LTBR: variants seen among roughly 807,000 people sequenced by gnomAD.
LTBR encodes the protein tumor necrosis factor receptor superfamily member 3.
A neutral mutation model predicts 45.4 loss-of-function variants in LTBR; 15 were observed. That is an observed-to-expected ratio of 0.33 (90% CI 0.22 to 0.51). LTBR has a LOEUF of 0.51. LTBR is among the 20% of genes least tolerant of loss of function. The probability of loss-of-function intolerance (pLI) is 0.97; values close to 1 mark genes in which losing one functional copy is unlikely to be tolerated. For synonymous variants in LTBR, 228 were observed against 231.0 expected, an observed-to-expected ratio of 0.99 and a Z score of 0.12; for missense variants, 450 against 565.5, an observed-to-expected ratio of 0.80 and a Z score of 2.07.
upstream of LTBR, among the ~76,000 whole-genome samples, chr12:6,383,401 G>T (rs1365442934): frequency 6.6e-6 from 1 of 152,252 alleles, no homozygotes; most frequent in East Asian, 1.9e-4. Flanking sequence ...TTAAGGTGAG[G>T]GGGCTGGACT....
At chr12:6,375,869 G>T (rs2071244) in intron 1 of LTBR, 4 of 1,293,594 alleles carry the variant, frequency 3.1e-6, no homozygotes, top group Admixed American at 3.8e-5. Context: ...GTGGGGAACC[G>T]GGAGGACAGG....
At chr12:6,385,798 G>C (rs1217403672) in intron 4 of LTBR, 3 of 374,116 alleles carry the variant, frequency 8.0e-6, no homozygotes, top group Non-Finnish European at 9.7e-6. Context: ...CCAGCTACTC[G>C]GGAGGCTGAG....
intron 6 of LTBR, chr12:6,387,958 G>A: frequency 2.5e-6 from 1 of 395,020 alleles, no homozygotes; most frequent in Non-Finnish European, 5.1e-6. Context: ...CAGCCCCTCT[G>A]TACAATGGCT....
intron 1 of LTBR, among the ~76,000 whole-genome samples, chr12:6,378,848 G>GC (rs1948946604): frequency 6.7e-6 from 1 of 150,074 alleles, no homozygotes; most frequent in South Asian, 2.2e-4. Context: ...CAGAGCCCCA[G>GC]CCCTTCCCGC....
chr12:6,379,299 G>A (rs866283084), upstream of LTBR, among the ~76,000 whole-genome samples: 4 of 152,082 alleles, frequency 2.6e-5, no homozygotes, highest in African/African-American at 7.2e-5. Flanking sequence ...TTGACAGAGC[G>A]GGATATGCTA....
At chr12:6,382,802 CA>C (rs200723086), upstream of LTBR, among the ~76,000 whole-genome samples, 384 of 152,296 alleles carry the variant, frequency 2.5e-3, 1 homozygote, top group Admixed American at 5.2e-3. Flanking sequence ...CAGAGTCCTT[CA>C]GGGAGGGGGA....
chr12:6,379,774 C>CA (rs5796228), upstream of LTBR, among the ~76,000 whole-genome samples: 83,744 of 150,982 alleles, frequency 0.55, 23,300 homozygotes, highest in East Asian at 0.65. Flanking sequence ...ACTAAAATTA[C>CA]AAAAAAAATT....
Position 6,386,612 on chromosome 12 carries a change from C to T in LTBR, c.667+168C>T, listed in dbSNP as rs948163613. The T allele has an allele frequency of 1.7e-6, 1 of 585,652 alleles. No individual in the cohort carries two copies. Among genetic ancestry groups the T allele is most frequent in the East Asian group, 2.8e-5 (1 of 35,278 alleles). The allele number at this position is 585,652 out of a possible 1,614,324, so 36.3% of individuals were successfully genotyped here. Reference sequence around the variant, plus strand: ...GTATCTCTAGGCTAGTTTACACACACACACACACACACACACACACACACT... The same window carrying T: ...GTATCTCTAGGCTAGTTTACACACATACACACACACACACACACACACACT... On this transcript the variant is annotated intron_variant, in intron 6 of 9. Coordinates refer to ENST00000228918, the MANE Select transcript of LTBR (RefSeq NM_002342.3). The surrounding 1 kb of genome is among the most constrained non-coding windows in gnomAD (Gnocchi z 4.1).
At chr12:6,390,588 G>A (rs1216538522) in intron 9 of LTBR, 72 bp from the exon 10 acceptor site, 1 of 1,436,174 alleles carries the variant, frequency 7.0e-7, no homozygotes, top group Non-Finnish European at 9.3e-7. Flanking sequence ...CGAGAAGAAG[G>A]CAAGAATTCA....
At chr12:6,376,797 C>T (rs1167407142) in intron 1 of LTBR, among the ~76,000 whole-genome samples, 1 of 151,996 alleles carries the variant, frequency 6.6e-6, no homozygotes, top group Non-Finnish European at 1.5e-5. Flanking sequence ...GGAGGCAGCC[C>T]AGAGTGCAGG....
At chr12:6,377,289 A>G (rs1385748919) in intron 1 of LTBR, 1 of 1,549,606 alleles carries the variant, frequency 6.5e-7, no homozygotes, top group Non-Finnish European at 8.7e-7. Context: ...TGGAAGGGAC[A>G]GCTGGATTTT....
At chr12:6,375,912 A>T in intron 1 of LTBR, 1 of 1,154,796 alleles carries the variant, frequency 8.7e-7, no homozygotes, top group Non-Finnish European at 1.1e-6. Context: ...AGAGAGGGAC[A>T]GCGAAGGACA....
At position 6,391,100 on chromosome 12, in the gene LTBR, G is replaced by C; in HGVS notation, c.*163G>C. 1 of 680,242 alleles carries C rather than the reference G, an allele frequency of 1.5e-6. No individual in the cohort carries two copies. Among genetic ancestry groups the C allele is most frequent in the Non-Finnish European group, 2.2e-6 (1 of 449,172 alleles). The allele number at this position is 680,242 out of a possible 1,614,324, so 42.1% of individuals were successfully genotyped here. A position where few individuals can be genotyped will look rare whatever the true frequency, so the allele number is the denominator to read the frequency against. On this transcript the variant is annotated 3_prime_UTR_variant, in exon 10 of 10. Coordinates refer to ENST00000228918, the MANE Select transcript of LTBR (RefSeq NM_002342.3). Reference sequence around the variant, plus strand: ...TCTGAGAGCAGGTGGGCACTGGCTGGGTACGGTGCCCTCCACAGGACTCTC... The same window carrying C: ...TCTGAGAGCAGGTGGGCACTGGCTGCGTACGGTGCCCTCCACAGGACTCTC...
chr12:6,384,776 T>A, intron 2 of LTBR, 92 bp downstream of exon 2: 1 of 1,280,742 alleles, frequency 7.8e-7, no homozygotes, highest in South Asian at 1.2e-5. Context: ...GTGGGCACTG[T>A]CCCCCAGGAA....
In LTBR at chr12:6,388,472, TG is replaced by T. The variant is rs1158067757; in HGVS notation, c.744del (p.Trp248Ter). The T allele has an allele frequency of 6.2e-7, 1 of 1,614,074 alleles. No homozygotes were observed. Among genetic ancestry groups the T allele is most frequent in the Non-Finnish European group, 8.5e-7 (1 of 1,180,008 alleles). On this transcript the variant is annotated frameshift_variant, in exon 7 of 10. Transcript: ENST00000228918. LOFTEE classifies it high-confidence loss of function. This position sits in a 1 kb window ranked among gnomAD's most constrained non-coding sequence, Gnocchi z 4.3. ...CCTTGCCACCGTCTTCTCCTGCATC[TG>T]GAAGAGCCACCCTTCTCTCTGCAGG... ...LLLATVFSCI[W>X]KSHPSLCRKL...
intron 2 of LTBR, 93 bp downstream of exon 2, chr12:6,384,777 C>A (rs1949019871): frequency 1.6e-6 from 2 of 1,271,770 alleles, no homozygotes; most frequent in Admixed American, 1.8e-5. Flanking sequence ...TGGGCACTGT[C>A]CCCCAGGAAA....
exon 1 of LTBR, chr12:6,375,496 C>A: frequency 6.5e-7 from 1 of 1,535,636 alleles, no homozygotes; most frequent in Non-Finnish European, 8.7e-7. Context: ...AACCTCTCCT[C>A]CCCCTCACCT....
At chr12:6,380,779 G>T (rs1948975428), upstream of LTBR, among the ~76,000 whole-genome samples, 1 of 152,092 alleles carries the variant, frequency 6.6e-6, no homozygotes, top group Non-Finnish European at 1.5e-5. Context: ...TGGAAAGAAG[G>T]CTCTCTCAGC....
chr12:6,384,511 C>T lies in LTBR; in HGVS notation c.96+57C>T, dbSNP rs1949015983. The T allele has an allele frequency of 2.5e-6, 4 of 1,596,560 alleles. No individual in the cohort carries two copies. The South Asian group carries it at 3.4e-5, about 13-fold the overall frequency. ...GGTGGGCAAGAGGGATCTGGGCAGC[C>T]GTCGCTCCATTCCCTCTGCCCTCCC... On this transcript the variant is annotated intron_variant, in intron 1 of 9. Transcript: ENST00000228918.
Sources: gnomAD v4.1 joint callset for allele counts (sites outside exome capture counted in the v4.1 genomes callset) on GRCh38, gnomAD v4.1.1 for gene constraint, Gnocchi (gnomAD v3.1) non-coding constraint, MANE v1.5 for transcripts, NCBI Gene and HGNC (gene_info 2026-07-23, HGNC 2026-07-21) for gene names.